Variants in SLC8A3 observed in about 807,000 individuals in gnomAD.
SLC8A3 encodes the protein solute carrier family 8 member A3.
SLC8A3 carries 37 observed loss-of-function variants against 65.4 expected under a neutral mutation model. The observed-to-expected ratio is 0.57, with a 90% CI of 0.44 to 0.74. The LOEUF (loss-of-function observed/expected upper bound fraction) is 0.74. SLC8A3 is among the 30% of genes least tolerant of loss of function. The probability of loss-of-function intolerance (pLI) is 0.00; values close to 1 mark genes in which losing one functional copy is unlikely to be tolerated. For missense variants in SLC8A3, 1,112 were observed against 1,172.1 expected, an observed-to-expected ratio of 0.95 and a Z score of 0.75; for synonymous variants, 461 against 444.5, an observed-to-expected ratio of 1.04 and a Z score of -0.47.
chr14:70,156,219 T>A (rs1436872139), intron 2 of SLC8A3, among the ~76,000 whole-genome samples: 1 of 152,182 alleles, frequency 6.6e-6, no homozygotes, highest in Admixed American at 6.5e-5. Context: ...AACAAGAATT[T>A]CTGTCCCTGT....
chr14:70,123,273 A>G (rs1427920710), intron 2 of SLC8A3, among the ~76,000 whole-genome samples: 2 of 151,706 alleles, frequency 1.3e-5, no homozygotes, highest in African/African-American at 4.8e-5. Context: ...AATACTCTCC[A>G]TGGTTAGAAT....
chr14:70,056,892 AG>A (rs899586059), intron 3 of SLC8A3, among the ~76,000 whole-genome samples: 1 of 152,218 alleles, frequency 6.6e-6, no homozygotes, highest in Admixed American at 6.5e-5. Flanking sequence ...CTAAGAATTA[AG>A]GAAACTTGTG....
intron 2 of SLC8A3, among the ~76,000 whole-genome samples, chr14:70,136,554 A>T (rs1182711140): frequency 6.6e-6 from 1 of 152,104 alleles, no homozygotes; most frequent in African/African-American, 2.4e-5. Flanking sequence ...TGTGTGTACT[A>T]GTCCTTCCCC....
chr14:70,085,135 G>A (rs1439658531), intron 2 of SLC8A3, among the ~76,000 whole-genome samples: 1 of 152,128 alleles, frequency 6.6e-6, no homozygotes, highest in Non-Finnish European at 1.5e-5. Flanking sequence ...CAAACATTGA[G>A]AAATAGTGAC....
chr14:70,086,354 A>T (rs1041396986), intron 2 of SLC8A3, among the ~76,000 whole-genome samples: 1 of 150,882 alleles, frequency 6.6e-6, no homozygotes, highest in Non-Finnish European at 1.5e-5. Flanking sequence ...TTAAAAAACA[A>T]TTTTTTTAAT....
intron 2 of SLC8A3, among the ~76,000 whole-genome samples, chr14:70,130,922 T>G (rs573637977): frequency 1.3e-5 from 2 of 152,322 alleles, no homozygotes; most frequent in South Asian, 4.1e-4. Flanking sequence ...AATGGATATA[T>G]GGCTAGAGAT....
At chr14:70,174,663 T>G (rs1295227187) in intron 1 of SLC8A3, among the ~76,000 whole-genome samples, 119 of 21,896 alleles carry the variant, frequency 5.4e-3, no homozygotes, top group African/African-American at 0.017. Flanking sequence ...TTTTTTTTTG[T>G]TTTTTTTTTT....
Position 70,167,260 on chromosome 14 carries a change from G to C in SLC8A3, c.1163C>G (p.Thr388Ser). The change falls in exon 2 of 7, where the codon ACC becomes AGC. Residue 388 changes from threonine to serine, a missense_variant. By Grantham distance (58) the Thr-to-Ser change is moderately conservative (BLOSUM62 1). Transcript: ENST00000356921. ...KKASSMSEVHTDEPEDFISKV... is the reference protein window; with the variant it reads ...KKASSMSEVHSDEPEDFISKV... Reference sequence around the variant, plus strand: ...GGAAATAAAGTCCTCAGGCTCATCGGTGTGCACCTCGCTCATGCTGGAGGC... The same window carrying C: ...GGAAATAAAGTCCTCAGGCTCATCGCTGTGCACCTCGCTCATGCTGGAGGC... The C allele has an allele frequency of 6.2e-7, 1 of 1,614,204 alleles. No individual in the cohort carries two copies. Among genetic ancestry groups the C allele is most frequent in the South Asian group, 1.1e-5 (1 of 91,080 alleles).
chr14:70,113,824 G>A (rs1893471635), intron 2 of SLC8A3, among the ~76,000 whole-genome samples: 4 of 152,142 alleles, frequency 2.6e-5, no homozygotes, highest in Admixed American at 2.6e-4. Flanking sequence ...ATTTCATTAG[G>A]TCACATGCTT....
At chr14:70,162,770 G>T (rs949500351) in intron 2 of SLC8A3, among the ~76,000 whole-genome samples, 3 of 152,134 alleles carry the variant, frequency 2.0e-5, no homozygotes, top group African/African-American at 7.2e-5. Context: ...CAAAGGTGAG[G>T]ATTCTTCTGG....
chr14:70,045,911 C>G lies in SLC8A3; in HGVS notation c.*36G>C, dbSNP rs765008484. The G allele has an allele frequency of 1.3e-6, 2 of 1,533,256 alleles. No individual in the cohort carries two copies. The highest frequency in any genetic ancestry group is 2.5e-5 in the South Asian group (2 of 78,958). 95.0% of individuals were successfully genotyped at this position (1,533,256 alleles called of 1,614,324 possible). A position where few individuals can be genotyped will look rare whatever the true frequency, so the allele number is the denominator to read the frequency against. ...GAAGTGCCCTTCTCTTAGGAGAAGT[C>G]CTAGGCCTGCCCTGCTGGAGGCTCT... On this transcript the variant is annotated 3_prime_UTR_variant, in exon 7 of 7. Coordinates refer to ENST00000356921, the MANE Select transcript of SLC8A3 (RefSeq NM_182932.3).
intron 2 of SLC8A3, among the ~76,000 whole-genome samples, chr14:70,130,503 A>G (rs186668014): frequency 1.3e-5 from 2 of 152,344 alleles, no homozygotes; most frequent in East Asian, 3.9e-4. Flanking sequence ...AACACTGTTC[A>G]GCTTTCCTGC....
At chr14:70,176,759 C>T (rs1444734945) in intron 1 of SLC8A3, among the ~76,000 whole-genome samples, 1 of 152,222 alleles carries the variant, frequency 6.6e-6, no homozygotes, top group Non-Finnish European at 1.5e-5. Flanking sequence ...TTTATCTTTC[C>T]CTAAACTTGC....
At chr14:70,182,747 G>A (rs1246181945) in intron 1 of SLC8A3, among the ~76,000 whole-genome samples, 1 of 152,102 alleles carries the variant, frequency 6.6e-6, no homozygotes, top group Non-Finnish European at 1.5e-5. Flanking sequence ...GATGGGGAAA[G>A]AGTATAATGG....
intron 2 of SLC8A3, among the ~76,000 whole-genome samples, chr14:70,091,062 C>T (rs1891771496): frequency 6.6e-6 from 1 of 152,164 alleles, no homozygotes; most frequent in Admixed American, 6.5e-5. Flanking sequence ...TCATAAACCT[C>T]AGAATGTGAG....
At chr14:70,088,023 CT>C (rs1268153934) in intron 2 of SLC8A3, among the ~76,000 whole-genome samples, 1 of 152,020 alleles carries the variant, frequency 6.6e-6, no homozygotes, top group Non-Finnish European at 1.5e-5. Context: ...AGAGTATTCA[CT>C]TGGTAGGTAT....
At chr14:70,076,051 C>T (rs866991548) in intron 2 of SLC8A3, among the ~76,000 whole-genome samples, 3 of 152,190 alleles carry the variant, frequency 2.0e-5, no homozygotes, top group Non-Finnish European at 2.9e-5. Flanking sequence ...CCCACTCCCC[C>T]ACTCACCTTC....
intron 2 of SLC8A3, among the ~76,000 whole-genome samples, chr14:70,138,296 ATCT>A (rs1180209616): frequency 6.6e-6 from 1 of 152,212 alleles, no homozygotes; most frequent in Non-Finnish European, 1.5e-5. Context: ...CAGGGATTGT[ATCT>A]TCTTTGTTCA....
At chr14:70,151,019 C>T (rs1360352086) in intron 2 of SLC8A3, among the ~76,000 whole-genome samples, 3 of 152,132 alleles carry the variant, frequency 2.0e-5, no homozygotes, top group African/African-American at 7.2e-5. Flanking sequence ...CTTTGAGAGG[C>T]TGAGGTGGGT....
Sources: gnomAD v4.1 joint callset for allele counts (sites outside exome capture counted in the v4.1 genomes callset) on GRCh38, gnomAD v4.1.1 for gene constraint, MANE v1.5 for transcripts, NCBI Gene and HGNC (gene_info 2026-07-23, HGNC 2026-07-21) for gene names.